The following RGS7 variants were observed in gnomAD, a reference collection of about 807,000 sequenced individuals.
The protein encoded by RGS7 is regulator of G protein signaling 7, also known as regulator of G-protein signaling 7.
In RGS7, 27 loss-of-function variants were observed where a neutral mutation model predicts 81.1. The observed-to-expected ratio is 0.33, with a 90% CI of 0.25 to 0.46. The LOEUF (loss-of-function observed/expected upper bound fraction) is 0.46. RGS7 is among the 20% of genes least tolerant of loss of function. RGS7 has a pLI of 1.00. For synonymous variants in RGS7, 208 were observed against 207.7 expected (o/e 1.00, Z -0.01); for missense variants, 396 against 607.4 (o/e 0.65, Z 3.66).
Position 241,099,133 on chromosome 1 carries a change from G to A in RGS7, c.79-371C>T, listed in dbSNP as rs945931071. Among the ~76,000 whole-genome samples the A allele has an allele frequency of 2.6e-5, 4 of 152,258 alleles. No homozygotes were observed. The East Asian group carries it at 5.8e-4, about 22-fold the overall frequency. On this transcript the variant is annotated intron_variant, in intron 2 of 18. Transcript: ENST00000440928. ...ATTAATGTTACCTCTACTGAAATCA[G>A]TGCAAAAGCAAGTAGAGCCTTAAAA...
chr1:240,865,636 C>T (rs540110293), intron 9 of RGS7, among the ~76,000 whole-genome samples: 59 of 152,304 alleles, frequency 3.9e-4, no homozygotes, highest in Non-Finnish European at 7.2e-4. Flanking sequence ...TACCTATTCA[C>T]TTTAACTCTG....
chr1:240,901,281 C>T (rs1443772649), intron 6 of RGS7, among the ~76,000 whole-genome samples: 3 of 152,136 alleles, frequency 2.0e-5, no homozygotes, highest in Admixed American at 6.5e-5. Flanking sequence ...GCTCATGGTC[C>T]GTGGGCTGCT....
chr1:241,344,516 G>A (rs1266249755), intron 2 of RGS7, among the ~76,000 whole-genome samples: 2 of 152,170 alleles, frequency 1.3e-5, no homozygotes, highest in African/African-American at 2.4e-5. Context: ...TACAGATGTG[G>A]AAATTCAGAC....
At chr1:241,111,749 C>G (rs150896421) in intron 2 of RGS7, among the ~76,000 whole-genome samples, 1 of 152,190 alleles carries the variant, frequency 6.6e-6, no homozygotes, top group Non-Finnish European at 1.5e-5. Flanking sequence ...GTGGGAAGAA[C>G]AGCCTTATGC....
chr1:241,028,379 A>G (rs1374728400), intron 3 of RGS7, among the ~76,000 whole-genome samples: 1 of 152,228 alleles, frequency 6.6e-6, no homozygotes, highest in Non-Finnish European at 1.5e-5. Context: ...TTGTAGAAAT[A>G]CATACAATTA....
intron 6 of RGS7, among the ~76,000 whole-genome samples, chr1:240,894,719 T>C (rs976524000): frequency 5.3e-5 from 8 of 152,290 alleles, no homozygotes; most frequent in Admixed American, 3.9e-4. Flanking sequence ...AAAAATATTA[T>C]TTAGATTATT....
At chr1:240,973,362 T>C (rs928769335) in intron 4 of RGS7, among the ~76,000 whole-genome samples, 3 of 151,466 alleles carry the variant, frequency 2.0e-5, no homozygotes, top group African/African-American at 7.3e-5. Flanking sequence ...CTACTAAAAA[T>C]ACAAAAATTA....
intron 2 of RGS7, among the ~76,000 whole-genome samples, chr1:241,314,814 T>C (rs183445905): frequency 6.6e-6 from 1 of 152,302 alleles, no homozygotes; most frequent in African/African-American, 2.4e-5. Context: ...GGCTGTAGCA[T>C]GAGCTAACTC....
intron 12 of RGS7, 59 bp from the exon 13 acceptor site, chr1:240,813,787 C>T: frequency 2.8e-6 from 3 of 1,060,466 alleles, no homozygotes; most frequent in Non-Finnish European, 2.9e-6. Context: ...GCAGCCAGTC[C>T]AAAGCAGGGA....
chr1:240,943,784 G>T (rs578106820), intron 4 of RGS7, among the ~76,000 whole-genome samples: 3 of 152,242 alleles, frequency 2.0e-5, no homozygotes, highest in African/African-American at 7.2e-5. Context: ...AAACCATACT[G>T]TGAATACCAG....
intron 3 of RGS7, among the ~76,000 whole-genome samples, chr1:241,085,145 T>C (rs930173826): frequency 6.6e-6 from 1 of 152,228 alleles, no homozygotes; most frequent in Non-Finnish European, 1.5e-5. Context: ...ACTGGAAGCA[T>C]AGTAACTTTC....
chr1:240,915,456 G>T (rs770679021), intron 6 of RGS7, among the ~76,000 whole-genome samples: 26 of 152,100 alleles, frequency 1.7e-4, no homozygotes, highest in Non-Finnish European at 3.1e-4. Flanking sequence ...ACAGATGAAC[G>T]CAACGGAAAG....
intron 2 of RGS7, among the ~76,000 whole-genome samples, chr1:241,202,994 G>A (rs2073634034): frequency 6.6e-6 from 1 of 152,092 alleles, no homozygotes; most frequent in African/African-American, 2.4e-5. Flanking sequence ...TAAGAATAAT[G>A]ACAACTAATT....
In RGS7 at chr1:240,851,439, C is replaced by T. The variant is rs1447940503; in HGVS notation, c.609+17148G>A. Among the ~76,000 whole-genome samples, 4 of 152,192 alleles carry T rather than the reference C, an allele frequency of 2.6e-5. No individual in the cohort carries two copies. In the East Asian group the frequency reaches 5.8e-4, roughly 22 times the overall value. ...CACTCACTGACAATGCACCTGGTCACCCAAGAGCTCTGATGGAGATGTACA... is the reference window on the plus strand; with the variant it reads ...CACTCACTGACAATGCACCTGGTCATCCAAGAGCTCTGATGGAGATGTACA... On this transcript the variant is annotated intron_variant, in intron 9 of 18. Transcript: ENST00000440928.
rs534810094 is a variant in RGS7, at chr1:240,867,805, A to C, written c.609+782T>G. 2.6e-5 allele frequency among the ~76,000 whole-genome samples: 4 copies of C among 152,218 alleles called. No individual in the cohort carries two copies. In the South Asian group the frequency reaches 8.3e-4, roughly 32 times the overall value. ...TGCTTGAGCTCCGGAGTTCAAGACC[A>C]GCCTGGGCACCATGGCAAAACTCCA... On this transcript the variant is annotated intron_variant, in intron 9 of 18. Coordinates refer to ENST00000440928, the MANE Select transcript of RGS7 (RefSeq NM_001364886.1).
At chr1:241,023,341 A>C (rs2059630210) in intron 3 of RGS7, among the ~76,000 whole-genome samples, 1 of 152,082 alleles carries the variant, frequency 6.6e-6, no homozygotes, top group African/African-American at 2.4e-5. Flanking sequence ...TTAGGTGTAA[A>C]TCTTTTTAAA....
At chr1:240,839,064 C>T (rs190913486) in intron 9 of RGS7, among the ~76,000 whole-genome samples, 2 of 152,278 alleles carry the variant, frequency 1.3e-5, no homozygotes, top group South Asian at 2.1e-4. Context: ...TGTGCCCGGC[C>T]TATTTTGCTG....
At chr1:240,884,618 T>C (rs12069590) in intron 6 of RGS7, among the ~76,000 whole-genome samples, 68,087 of 151,968 alleles carry the variant, frequency 0.45, 15,786 homozygotes, top group East Asian at 0.53. Context: ...CTGCAACCAT[T>C]TGATCTTCCA....
chr1:241,261,106 C>A lies in RGS7; in HGVS notation c.78+94593G>T, dbSNP rs533330145. Among the ~76,000 whole-genome samples the A allele has an allele frequency of 4.2e-3, 627 of 150,170 alleles. 3 individuals are homozygous for A. The highest frequency in any genetic ancestry group is 0.014 in the African/African-American group (574 of 40,858). ...AAAAATTAAAACAAAACAAAACAAA[C>A]AAAAAAAAACAAACAAAAGGCAGTG... On this transcript the variant is annotated intron_variant, in intron 2 of 18. Coordinates refer to ENST00000440928, the MANE Select transcript of RGS7 (RefSeq NM_001364886.1).
Sources: gnomAD v4.1 joint callset for allele counts (sites outside exome capture counted in the v4.1 genomes callset) on GRCh38, gnomAD v4.1.1 for gene constraint, MANE v1.5 for transcripts, NCBI Gene and HGNC (gene_info 2026-07-23, HGNC 2026-07-21) for gene names.